Variants in NTRK3 observed in about 807,000 individuals in gnomAD.
The protein encoded by NTRK3 is neurotrophic receptor tyrosine kinase 3, also known as NT-3 growth factor receptor.
A neutral mutation model predicts 91.7 loss-of-function variants in NTRK3; 24 were observed. The ratio of observed to expected loss-of-function variants is 0.26; its 90% confidence interval spans 0.19 to 0.37. The LOEUF (loss-of-function observed/expected upper bound fraction) is 0.37, where lower values mean the gene tolerates loss of function less well. Ranked by LOEUF, NTRK3 falls within the 10% of genes least tolerant of loss-of-function variation. The pLI, the probability that NTRK3 is intolerant of heterozygous loss-of-function variation, is 1.00. For synonymous variants in NTRK3, 483 were observed against 404.0 expected (o/e 1.20, Z -2.34); for missense variants, 880 against 1,068.9 (o/e 0.82, Z 2.46).
chr15:88,238,063 C>T (rs1421100905), intron 3 of NTRK3, among the ~76,000 whole-genome samples: 1 of 151,920 alleles, frequency 6.6e-6, no homozygotes, highest in African/African-American at 2.4e-5. Context: ...AGGACACAGG[C>T]ACACACACAC....
intron 3 of NTRK3, among the ~76,000 whole-genome samples, chr15:88,250,882 C>T (rs938822040): frequency 2.0e-5 from 3 of 152,200 alleles, no homozygotes; most frequent in Non-Finnish European, 4.4e-5. Flanking sequence ...ATGAAATATC[C>T]TCTTTTCTAG....
At chr15:88,148,895 A>AAGAC (rs2043124999) in intron 5 of NTRK3, among the ~76,000 whole-genome samples, 1 of 152,100 alleles carries the variant, frequency 6.6e-6, no homozygotes, top group African/African-American at 2.4e-5. Context: ...ATTGGATTGG[A>AAGAC]TTTTGGAGAG....
chr15:87,902,259 G>A lies in NTRK3; in HGVS notation c.2134-21831C>T, dbSNP rs531088616. Among the ~76,000 whole-genome samples, 4 of 152,284 alleles carry A rather than the reference G, an allele frequency of 2.6e-5. No individual in the cohort carries two copies. The East Asian group carries it at 7.7e-4, about 29-fold the overall frequency. On this transcript the variant is annotated intron_variant, in intron 17 of 18. Transcript: ENST00000394480. ...CTCTTGGAGCTTTTCTCTGCATAATGTCCCGTCCCACTCTTGTAGAAATGG... is the reference window on the plus strand; with the variant it reads ...CTCTTGGAGCTTTTCTCTGCATAATATCCCGTCCCACTCTTGTAGAAATGG...
chr15:88,080,524 T>G (rs998243130), intron 13 of NTRK3, among the ~76,000 whole-genome samples: 1 of 152,260 alleles, frequency 6.6e-6, no homozygotes, highest in Non-Finnish European at 1.5e-5. Flanking sequence ...TCCTGCTTTT[T>G]GTTTATCTTC....
rs145295229 is a variant in NTRK3 at position 88,182,284 on chromosome 15, G to A, written c.395+1134C>T. On this transcript the variant is annotated intron_variant, in intron 5 of 18. Transcript: ENST00000394480. ...GCTTGGGAAAACACAAAGAGCCTGGGGGTAAGGTCAGGATCCCCCAAAAAA... is the reference window on the plus strand; with the variant it reads ...GCTTGGGAAAACACAAAGAGCCTGGAGGTAAGGTCAGGATCCCCCAAAAAA... Among the ~76,000 whole-genome samples, 1,035 of 152,202 alleles carry A rather than the reference G, an allele frequency of 6.8e-3. 5 individuals carry two copies. Among genetic ancestry groups the A allele is most frequent in the Non-Finnish European group, 0.012 (806 of 68,000 alleles).
At chr15:88,030,651 C>T (rs942193263) in intron 14 of NTRK3, among the ~76,000 whole-genome samples, 2 of 152,142 alleles carry the variant, frequency 1.3e-5, no homozygotes, top group African/African-American at 4.8e-5. Flanking sequence ...AGTGCCAAAA[C>T]CAAGACTCAA....
intron 4 of NTRK3, 30 bp downstream of exon 4, chr15:88,184,195 A>G (rs754923607): frequency 6.2e-7 from 1 of 1,611,094 alleles, no homozygotes; most frequent in South Asian, 1.1e-5. Context: ...TTCCACAGGG[A>G]AAGGCCTCTC....
chr15:88,104,665 G>A (rs114231873), intron 13 of NTRK3, among the ~76,000 whole-genome samples: 1,832 of 152,278 alleles, frequency 0.012, 29 homozygotes, highest in African/African-American at 0.042. Flanking sequence ...TCTGCAGCCT[G>A]AGCCATCACA....
At chr15:87,932,523 C>G (rs930092860) in intron 16 of NTRK3, among the ~76,000 whole-genome samples, 3 of 152,218 alleles carry the variant, frequency 2.0e-5, no homozygotes, top group Admixed American at 6.5e-5. Flanking sequence ...TTTCAACCAT[C>G]TCTGCCACCT....
intron 13 of NTRK3, among the ~76,000 whole-genome samples, chr15:88,037,272 A>G (rs939675119): frequency 4.6e-5 from 7 of 152,168 alleles, no homozygotes; most frequent in Non-Finnish European, 1.0e-4. Context: ...TTAGAATTCA[A>G]AGGAGGAGGC....
chr15:88,244,413 G>A (rs2052641228), intron 3 of NTRK3, among the ~76,000 whole-genome samples: 1 of 152,180 alleles, frequency 6.6e-6, no homozygotes, highest in South Asian at 2.1e-4. Flanking sequence ...AGCAAGCAAG[G>A]AGGAGGGCAA....
At chr15:88,110,785 T>G (rs2051257533) in intron 13 of NTRK3, among the ~76,000 whole-genome samples, 1 of 152,172 alleles carries the variant, frequency 6.6e-6, no homozygotes, top group South Asian at 2.1e-4. Context: ...GCTAGACTCC[T>G]GGGCCCAATT....
chr15:88,085,548 C>G lies in NTRK3; in HGVS notation c.1396+40723G>C, dbSNP rs75662563. On this transcript the variant is annotated intron_variant, in intron 13 of 18. Coordinates refer to ENST00000394480, the Ensembl canonical transcript of NTRK3. ...CTGCCTGGAGCCAAACTCAGCCAAGCACATCAGGAATCAGCCAAACCCAGC... is the reference window on the plus strand; with the variant it reads ...CTGCCTGGAGCCAAACTCAGCCAAGGACATCAGGAATCAGCCAAACCCAGC... Among the ~76,000 whole-genome samples, 7 of 152,302 alleles carry G rather than the reference C, an allele frequency of 4.6e-5. No homozygotes were observed. The East Asian group carries it at 1.4e-3, about 29-fold the overall frequency.
intron 5 of NTRK3, among the ~76,000 whole-genome samples, chr15:88,183,012 A>ACCACCCCCCCCCCCCCC (rs2046631259): frequency 8.3e-6 from 1 of 119,884 alleles, no homozygotes. Flanking sequence ...TCTTCTTGCA[A>ACCACCCCCCCCCCCCCC]CCCCCCCCCG....
chr15:87,970,681 T>C (rs1241091914), intron 14 of NTRK3, among the ~76,000 whole-genome samples: 2 of 152,204 alleles, frequency 1.3e-5, no homozygotes, highest in African/African-American at 2.4e-5. Flanking sequence ...GCTGGCCATA[T>C]TGTGCAACAT....
intron 14 of NTRK3, among the ~76,000 whole-genome samples, chr15:87,980,110 G>C (rs1245849393): frequency 6.6e-6 from 1 of 152,156 alleles, no homozygotes; most frequent in Non-Finnish European, 1.5e-5. Context: ...AATCTTACAG[G>C]GGAGGAAAAT....
chr15:88,190,292 CT>C (rs1231517375), intron 3 of NTRK3, among the ~76,000 whole-genome samples: 1 of 152,240 alleles, frequency 6.6e-6, no homozygotes, highest in Non-Finnish European at 1.5e-5. Context: ...GCATTTTCAA[CT>C]TCCCTGCTGG....
chr15:87,926,879 A>G (rs1039860456), intron 17 of NTRK3: 2 of 152,114 alleles, frequency 1.3e-5, no homozygotes, highest in African/African-American at 4.8e-5. Context: ...TTTCATCAAC[A>G]CCTACATAGA....
chr15:88,096,647 A>C (rs1175445392), intron 13 of NTRK3, among the ~76,000 whole-genome samples: 2 of 152,176 alleles, frequency 1.3e-5, no homozygotes, highest in East Asian at 1.9e-4. Flanking sequence ...AATTAATACC[A>C]CTGGAACAAC....
Sources: gnomAD v4.1 joint callset for allele counts (sites outside exome capture counted in the v4.1 genomes callset) on GRCh38, gnomAD v4.1.1 for gene constraint, MANE v1.5 for transcripts, NCBI Gene and HGNC (gene_info 2026-07-23, HGNC 2026-07-21) for gene names.